Variants in MCPH1 observed in about 807,000 individuals in gnomAD.
MCPH1 encodes microcephalin 1.
MCPH1 carries 104 observed loss-of-function variants against 84.5 expected under a neutral mutation model. The observed-to-expected ratio is 1.23, with a 90% CI of 1.05 to 1.45. The LOEUF (loss-of-function observed/expected upper bound fraction) is 1.45, where lower values mean the gene tolerates loss of function less well. MCPH1 is among the 40% of genes most tolerant of loss of function. The pLI is 0.00. For missense variants in MCPH1, 1,498 were observed against 1,005.7 expected, an observed-to-expected ratio of 1.49 and a Z score of -6.62; for synonymous variants, 514 against 366.8, an observed-to-expected ratio of 1.40 and a Z score of -4.58.
intron 12 of MCPH1, among the ~76,000 whole-genome samples, chr8:6,582,934 T>C (rs1270750202): frequency 6.6e-6 from 1 of 152,178 alleles, no homozygotes; most frequent in Admixed American, 6.5e-5. Flanking sequence ...TGAAGTCTTC[T>C]CTGGGCCACG....
At chr8:6,466,000 G>C (rs547786553) in intron 9 of MCPH1, among the ~76,000 whole-genome samples, 116 of 151,646 alleles carry the variant, frequency 7.6e-4, no homozygotes, top group African/African-American at 2.7e-3. Flanking sequence ...TGTCGCCCAG[G>C]CTGGAGTGCA....
chr8:6,468,697 G>GT (rs1807315879), intron 9 of MCPH1, among the ~76,000 whole-genome samples: 1 of 147,680 alleles, frequency 6.8e-6, no homozygotes, highest in South Asian at 2.1e-4. Context: ...ATCCAAGACA[G>GT]TAAGTATTGA....
chr8:6,601,079 G>A (rs1829321713), intron 12 of MCPH1, among the ~76,000 whole-genome samples: 1 of 152,096 alleles, frequency 6.6e-6, no homozygotes, highest in Admixed American at 6.5e-5. Context: ...TGGCCCTGCA[G>A]CCAGCACCTG....
intron 12 of MCPH1, among the ~76,000 whole-genome samples, chr8:6,525,056 T>G (rs531491480): frequency 3.6e-4 from 55 of 152,368 alleles, no homozygotes; most frequent in African/African-American, 1.3e-3. Flanking sequence ...CGGGCCCCTT[T>G]TAGTTCGAAT....
rs1463825288 is a variant in MCPH1, at chr8:6,455,129, C to G, written c.1826-14C>G. ...GTAAAGTTCTAACTAATTTTTAATC[C>G]CCTTGGGTTTTAGGTGTTAAAAATA... On this transcript the variant is annotated splice_polypyrimidine_tract_variant and intron_variant, in intron 8 of 13. Transcript: ENST00000344683. The G allele has an allele frequency of 6.2e-7, 1 of 1,601,138 alleles. No homozygotes were observed. The highest frequency in any genetic ancestry group is 8.6e-7 in the Non-Finnish European group (1 of 1,168,762).
At position 6,417,958 on chromosome 8, in the gene MCPH1, A is replaced by C. The variant is rs564369172; in HGVS notation, c.233+3075A>C. Among the ~76,000 whole-genome samples, 49 of 152,264 alleles carry C rather than the reference A, an allele frequency of 3.2e-4. 1 individual carries two copies. The highest frequency in any genetic ancestry group is 1.0e-3 in the African/African-American group (42 of 41,548). On this transcript the variant is annotated intron_variant, in intron 3 of 13. Transcript: ENST00000344683. ...AGGTTTTTGTTTTAGCAAGCAGTTA[A>C]CTTGTCGTTAAAATGAAACGCACAC... is the stretch of plus-strand genomic sequence containing the variant.
chr8:6,566,655 G>A (rs1294609660), intron 12 of MCPH1, among the ~76,000 whole-genome samples: 2 of 151,854 alleles, frequency 1.3e-5, no homozygotes, highest in African/African-American at 4.8e-5. Context: ...TGCATGTGGT[G>A]CGGTGACCCT....
intron 12 of MCPH1, among the ~76,000 whole-genome samples, chr8:6,606,582 A>T (rs2515550): frequency 2.6e-5 from 4 of 152,178 alleles, no homozygotes; most frequent in Non-Finnish European, 5.9e-5. Context: ...GCCCCCTCCC[A>T]CACAGGGAGC....
At chr8:6,426,757 C>G (rs1203406032) in intron 3 of MCPH1, among the ~76,000 whole-genome samples, 1 of 152,162 alleles carries the variant, frequency 6.6e-6, no homozygotes, top group East Asian at 1.9e-4. Context: ...CACGTCTTCA[C>G]CAATAGTTGA....
At chr8:6,527,037 A>G (rs2129570649) in intron 12 of MCPH1, among the ~76,000 whole-genome samples, 2 of 152,370 alleles carry the variant, frequency 1.3e-5, no homozygotes, top group South Asian at 4.1e-4. Context: ...TGTAGCTTTC[A>G]TACTATAGAC....
chr8:6,600,646 T>C (rs1173799914), intron 12 of MCPH1, among the ~76,000 whole-genome samples: 2 of 152,252 alleles, frequency 1.3e-5, no homozygotes, highest in African/African-American at 4.8e-5. Flanking sequence ...AGCTTTGTAT[T>C]GAAAGATTTC....
At position 6,623,845 on chromosome 8, in the gene MCPH1, G is replaced by A. The variant is rs555342195; in HGVS notation, c.2452+2154G>A. The stretch of plus-strand genomic sequence containing the variant: ...TGTTGTTTTGTTTTTCTGGAGAAGT[G>A]TATTATCAAAATGCCACGGACTGCA... On this transcript the variant is annotated intron_variant, in intron 13 of 13. Transcript: ENST00000344683. Among the ~76,000 whole-genome samples, 21 of 152,260 alleles carry A rather than the reference G, an allele frequency of 1.4e-4. No individual in the cohort carries two copies. The South Asian group carries it at 4.4e-3, about 32-fold the overall frequency.
At chr8:6,554,982 G>A (rs1463520470) in intron 12 of MCPH1, among the ~76,000 whole-genome samples, 1 of 152,126 alleles carries the variant, frequency 6.6e-6, no homozygotes, top group Non-Finnish European at 1.5e-5. Context: ...TAGTCGGATG[G>A]CACACCTGAC....
Position 6,526,301 on chromosome 8 carries a change from A to G in MCPH1, c.2214+26372A>G, listed in dbSNP as rs1818327681. On this transcript the variant is annotated intron_variant, in intron 12 of 13. Transcript: ENST00000344683. Reference sequence around the variant, plus strand: ...AAAAAAAAAATCAGCTGGGTGTGTGACACATGCCTGTAGTCCCAGCTACTC... The same window carrying G: ...AAAAAAAAAATCAGCTGGGTGTGTGGCACATGCCTGTAGTCCCAGCTACTC... Among the ~76,000 whole-genome samples, 3 of 147,536 alleles carry G rather than the reference A, an allele frequency of 2.0e-5. No homozygotes were observed. The South Asian group carries it at 6.5e-4, about 32-fold the overall frequency.
intron 8 of MCPH1, among the ~76,000 whole-genome samples, chr8:6,451,717 C>CAAAA (rs1805109301): frequency 6.6e-6 from 1 of 152,086 alleles, no homozygotes; most frequent in South Asian, 2.1e-4. Context: ...TCCTAGGTGT[C>CAAAA]TTTTAAGATT....
intron 13 of MCPH1, chr8:6,625,868 C>T (rs981283620): frequency 1.0e-6 from 1 of 985,300 alleles, no homozygotes; most frequent in Non-Finnish European, 1.2e-6. Context: ...ATGTCGTAAA[C>T]TCACAGGGGG....
chr8:6,421,829 C>G (rs1800246774), intron 3 of MCPH1, among the ~76,000 whole-genome samples: 1 of 152,178 alleles, frequency 6.6e-6, no homozygotes, highest in African/African-American at 2.4e-5. Context: ...CTGCTCCCCT[C>G]TCCCTTGTTT....
chr8:6,547,584 C>T (rs1198256030), intron 12 of MCPH1, among the ~76,000 whole-genome samples: 2 of 152,160 alleles, frequency 1.3e-5, no homozygotes, highest in Admixed American at 6.6e-5. Flanking sequence ...TTTGGACCAC[C>T]GTAGAATGGC....
At chr8:6,555,092 C>G (rs1418065749) in intron 12 of MCPH1, among the ~76,000 whole-genome samples, 1 of 152,094 alleles carries the variant, frequency 6.6e-6, no homozygotes, top group African/African-American at 2.4e-5. Context: ...TACTGGTATT[C>G]TAAACCACTA....
Sources: allele counts gnomAD v4.1 joint callset (sites outside exome capture counted in the v4.1 genomes callset), GRCh38; gene constraint gnomAD v4.1.1; transcripts MANE v1.5; gene names NCBI Gene and HGNC (gene_info 2026-07-23, HGNC 2026-07-21).